NIBAN1: variants seen among roughly 807,000 people sequenced by gnomAD.
The protein encoded by NIBAN1 is protein Niban 1.
A neutral mutation model predicts 75.1 loss-of-function variants in NIBAN1; 81 were observed. The observed-to-expected ratio is 1.08, with a 90% CI of 0.90 to 1.30. NIBAN1 has a LOEUF of 1.30. Among genes scored for constraint, NIBAN1 ranks in the 50% most tolerant of loss-of-function variants. The pLI is 0.00. For missense variants in NIBAN1, 1,133 were observed against 1,128.1 expected, an observed-to-expected ratio of 1.00 and a Z score of -0.06; for synonymous variants, 436 against 424.8, an observed-to-expected ratio of 1.03 and a Z score of -0.32.
At chr1:184,817,086 C>T (rs1403953007) in intron 9 of NIBAN1, among the ~76,000 whole-genome samples, 2 of 152,132 alleles carry the variant, frequency 1.3e-5, no homozygotes, top group Non-Finnish European at 2.9e-5. Flanking sequence ...CACGTGTTCT[C>T]ATTGTTCAAT....
At chr1:184,806,128 G>C in intron 10 of NIBAN1, 72 bp from the exon 11 acceptor site, 1 of 1,264,728 alleles carries the variant, frequency 7.9e-7, no homozygotes, top group Non-Finnish European at 1.1e-6. Flanking sequence ...GCCTGGCTAA[G>C]TGGGACTGCA....
chr1:184,901,884 T>G (rs184678960), intron 1 of NIBAN1, among the ~76,000 whole-genome samples: 157 of 152,346 alleles, frequency 1.0e-3, no homozygotes, highest in Non-Finnish European at 1.6e-3. Flanking sequence ...CAATTGCAGC[T>G]TCTTTAGGTA....
intron 1 of NIBAN1, among the ~76,000 whole-genome samples, chr1:184,907,572 A>C (rs1160192173): frequency 6.6e-6 from 1 of 152,246 alleles, no homozygotes; most frequent in Non-Finnish European, 1.5e-5. Context: ...CTATGGTCTT[A>C]GGTTGCTAAG....
chr1:184,899,740 C>T (rs1373632628), intron 1 of NIBAN1, among the ~76,000 whole-genome samples: 1 of 151,394 alleles, frequency 6.6e-6, no homozygotes, highest in African/African-American at 2.4e-5. Context: ...GACCTCCAGT[C>T]ATTCAGCTCC....
intron 1 of NIBAN1, among the ~76,000 whole-genome samples, chr1:184,903,834 T>C (rs2101994985): frequency 6.6e-6 from 1 of 150,584 alleles, no homozygotes; most frequent in East Asian, 2.0e-4. Flanking sequence ...CCTCCCAGTC[T>C]TAAGCAATCC....
intron 5 of NIBAN1, among the ~76,000 whole-genome samples, chr1:184,881,199 A>G (rs941781675): frequency 6.6e-6 from 1 of 152,140 alleles, no homozygotes; most frequent in Non-Finnish European, 1.5e-5. Context: ...TGAAGGAGGG[A>G]GAAACATAGA....
chr1:184,890,183 G>T lies in NIBAN1; in HGVS notation c.358C>A (p.Pro120Thr), dbSNP rs556404470. ...RGAAPKCRIL[P>T]AGGKVLTSED... is the part of the protein sequence containing the mutation. ...GAGGTTAACACCTTGCCACCGGCTG[G>T]AAGAATTCGACATTTAGGAGCAGCT... Residue 120 changes from proline (P) to threonine (T), a missense_variant, in exon 4 of 14, where the codon CCA (proline) becomes ACA (threonine). Pro to Thr is a conservative substitution (Grantham distance 38). Coordinates refer to ENST00000367511, the MANE Select transcript of NIBAN1 (RefSeq NM_052966.4). 6 of 1,613,806 alleles carry T rather than the reference G, an allele frequency of 3.7e-6. No individual in the cohort carries two copies. The African/African-American group carries it at 5.3e-5, about 14-fold the overall frequency.
chr1:184,925,222 G>C (rs1230824979), intron 1 of NIBAN1, among the ~76,000 whole-genome samples: 1 of 151,928 alleles, frequency 6.6e-6, no homozygotes, highest in African/African-American at 2.4e-5. Flanking sequence ...TATAGGTATA[G>C]TTTACTCCTG....
intron 5 of NIBAN1, among the ~76,000 whole-genome samples, chr1:184,842,225 A>G (rs1655306108): frequency 6.6e-6 from 1 of 152,172 alleles, no homozygotes; most frequent in South Asian, 2.1e-4. Flanking sequence ...GAACTGATGT[A>G]CTCTACCCCA....
chr1:184,886,640 A>T (rs1302600567), intron 4 of NIBAN1, among the ~76,000 whole-genome samples: 3 of 152,194 alleles, frequency 2.0e-5, no homozygotes, highest in African/African-American at 7.2e-5. Context: ...TGGTTAAATG[A>T]GTTCCAACTT....
intron 1 of NIBAN1, among the ~76,000 whole-genome samples, chr1:184,954,560 C>T (rs538860176): frequency 3.9e-5 from 6 of 152,276 alleles, no homozygotes; most frequent in African/African-American, 1.4e-4. Flanking sequence ...GCTGCTTGTG[C>T]CTGCAGTTCT....
At chr1:184,867,776 T>G in intron 5 of NIBAN1, 18 of 784,330 alleles carry the variant, frequency 2.3e-5, no homozygotes, top group East Asian at 1.3e-4. Flanking sequence ...CCTTACAAAT[T>G]GAGTTTGGTT....
intron 5 of NIBAN1, among the ~76,000 whole-genome samples, chr1:184,842,395 C>T (rs1655310777): frequency 6.6e-6 from 1 of 152,168 alleles, no homozygotes; most frequent in South Asian, 2.1e-4. Flanking sequence ...TGCTACAGGT[C>T]CAGGAACACA....
chr1:184,939,576 C>G (rs1359728889), intron 1 of NIBAN1, among the ~76,000 whole-genome samples: 1 of 152,184 alleles, frequency 6.6e-6, no homozygotes, highest in East Asian at 1.9e-4. Flanking sequence ...ATGCATTTAT[C>G]ACTTAATATT....
At position 184,818,839 on chromosome 1, in the gene NIBAN1, T is replaced by C. The variant is rs1355992983; in HGVS notation, c.986-14A>G. On this transcript the variant is annotated splice_polypyrimidine_tract_variant and intron_variant, in intron 8 of 13. Coordinates refer to ENST00000367511, the MANE Select transcript of NIBAN1 (RefSeq NM_052966.4). ...GGGCCACCATCGCTGAGGTAGGAAA[T>C]AGCCAAAAAACCGTGACATATGGCA... 3.2e-6 allele frequency: 5 copies of C among 1,570,070 alleles called. No individual in the cohort carries two copies. The South Asian group carries it at 5.8e-5, about 18-fold the overall frequency.
chr1:184,971,019 C>T (rs894805064), intron 1 of NIBAN1, among the ~76,000 whole-genome samples: 1 of 152,090 alleles, frequency 6.6e-6, no homozygotes, highest in African/African-American at 2.4e-5. Flanking sequence ...GGCATGGTGA[C>T]TCATGCCTGT....
intron 1 of NIBAN1, among the ~76,000 whole-genome samples, chr1:184,956,889 C>A (rs1190641410): frequency 6.6e-6 from 1 of 152,178 alleles, no homozygotes; most frequent in Non-Finnish European, 1.5e-5. Flanking sequence ...GAGTGAGATA[C>A]AAATCACTAT....
chr1:184,832,278 G>A (rs893682996), intron 5 of NIBAN1, among the ~76,000 whole-genome samples: 3 of 152,080 alleles, frequency 2.0e-5, no homozygotes. Flanking sequence ...GCGCCTTTAC[G>A]CTACCAGCTG....
In NIBAN1 at chr1:184,823,337, A is replaced by C; in HGVS notation, c.823-8T>G. 6.2e-7 allele frequency: 1 copy of C among 1,613,836 alleles called. No homozygotes were observed. Among genetic ancestry groups the C allele is most frequent in the Non-Finnish European group, 8.5e-7 (1 of 1,179,876 alleles). On this transcript the variant is annotated splice_region_variant and splice_polypyrimidine_tract_variant and intron_variant, in intron 7 of 13. Coordinates refer to ENST00000367511, the MANE Select transcript of NIBAN1 (RefSeq NM_052966.4). ...GTAGGCCTCCTCGAGGAGCTGCAAC[A>C]AGGAATAACACATAAATCAGGGCTC...
Sources: allele counts gnomAD v4.1 joint callset (sites outside exome capture counted in the v4.1 genomes callset), GRCh38; gene constraint gnomAD v4.1.1; transcripts MANE v1.5; gene names NCBI Gene and HGNC (gene_info 2026-07-23, HGNC 2026-07-21).